The following TMCO4 variants were observed in gnomAD, a reference collection of about 807,000 sequenced individuals.
TMCO4 encodes transmembrane and coiled-coil domains 4, also known as transmembrane and coiled-coil domain-containing protein 4.
TMCO4 carries 58 observed loss-of-function variants against 64.7 expected under a neutral mutation model. That is an observed-to-expected ratio of 0.90 (90% CI 0.73 to 1.12). The LOEUF (loss-of-function observed/expected upper bound fraction) is 1.12, where lower values mean the gene tolerates loss of function less well. Ranked by LOEUF, TMCO4 falls within the 50% of genes most tolerant of loss-of-function variation. TMCO4 has a pLI of 0.00. For missense variants in TMCO4, 780 were observed against 825.9 expected (o/e 0.94, Z 0.68); for synonymous variants, 325 against 346.1 (o/e 0.94, Z 0.68).
chr1:19,712,487 G>C (rs1411668706), intron 13 of TMCO4, among the ~76,000 whole-genome samples: 1 of 152,016 alleles, frequency 6.6e-6, no homozygotes. Context: ...AGGCGTGGTG[G>C]CAGGTGCCTG....
At chr1:19,768,093 CAAAA>C (rs35417457) in intron 6 of TMCO4, among the ~76,000 whole-genome samples, 2 of 89,596 alleles carry the variant, frequency 2.2e-5, no homozygotes, top group Non-Finnish European at 2.4e-5. Context: ...AACTTCATCT[CAAAA>C]AAAAAAAAAA....
At chr1:19,693,164 CAAAAAAAAAAAAAAAAA>C (rs57031243) in intron 15 of TMCO4, among the ~76,000 whole-genome samples, 429 of 19,980 alleles carry the variant, frequency 0.021, 18 homozygotes, top group African/African-American at 0.051. Flanking sequence ...GACCCCATCT[CAAAAAAAAAAAAAAAAA>C]AAAAAAAAAA....
At chr1:19,745,919 C>T (rs1401793585) in intron 9 of TMCO4, among the ~76,000 whole-genome samples, 1 of 152,204 alleles carries the variant, frequency 6.6e-6, no homozygotes, top group Non-Finnish European at 1.5e-5. Context: ...ACCCATTGCT[C>T]TGCCCTGGTT....
chr1:19,683,393 CGGCCTTCAGGAT>C lies in TMCO4; in HGVS notation c.1540_1551del (p.Ile514_Ala517del). The C allele has an allele frequency of 6.2e-7, 1 of 1,613,696 alleles. No homozygotes were observed. Among genetic ancestry groups the C allele is most frequent in the Admixed American group, 1.7e-5 (1 of 60,032 alleles). ...CAGCCTGGCTTGGTGCGGATGCCCA[CGGCCTTCAGGAT>C]GGCATCCATCTGCTTGGCATAGTCC... On this transcript the variant is annotated inframe_deletion, in exon 16 of 16. Transcript: ENST00000294543.
intron 2 of TMCO4, among the ~76,000 whole-genome samples, chr1:19,787,334 A>C (rs1157358382): frequency 6.6e-6 from 1 of 152,218 alleles, no homozygotes; most frequent in African/African-American, 2.4e-5. Context: ...AGCACTCACC[A>C]TGTGCTGGGC....
At chr1:19,714,353 G>A (rs572723229) in intron 13 of TMCO4, among the ~76,000 whole-genome samples, 5 of 151,906 alleles carry the variant, frequency 3.3e-5, no homozygotes, top group East Asian at 3.9e-4. Flanking sequence ...TCAGATCTCC[G>A]TATTCTTTTT....
intron 15 of TMCO4, among the ~76,000 whole-genome samples, chr1:19,685,127 C>T (rs1250452850): frequency 1.3e-5 from 2 of 152,166 alleles, no homozygotes; most frequent in Non-Finnish European, 2.9e-5. Context: ...GAGTTTGAGA[C>T]CAGCCTGGGC....
At chr1:19,779,386 T>C (rs1455257452) in intron 4 of TMCO4, among the ~76,000 whole-genome samples, 1 of 152,196 alleles carries the variant, frequency 6.6e-6, no homozygotes, top group Non-Finnish European at 1.5e-5. Context: ...TCGGTCATTG[T>C]CCTCATTCCC....
At chr1:19,790,870 G>A (rs1452297058) in intron 2 of TMCO4, among the ~76,000 whole-genome samples, 1 of 152,196 alleles carries the variant, frequency 6.6e-6, no homozygotes, top group East Asian at 1.9e-4. Context: ...TATGTTCACT[G>A]CAGCACTATT....
intron 3 of TMCO4, among the ~76,000 whole-genome samples, chr1:19,781,773 C>T (rs940394958): frequency 1.3e-5 from 2 of 152,040 alleles, no homozygotes; most frequent in African/African-American, 2.4e-5. Flanking sequence ...CAGCCTCCCG[C>T]GTAGCTGGGA....
intron 13 of TMCO4, among the ~76,000 whole-genome samples, chr1:19,722,191 C>T (rs949903395): frequency 6.6e-6 from 1 of 152,194 alleles, no homozygotes; most frequent in African/African-American, 2.4e-5. Flanking sequence ...CGATTTCAAA[C>T]GTCTTTTGGA....
chr1:19,691,786 GAA>G (rs2095196840), intron 15 of TMCO4, among the ~76,000 whole-genome samples: 1 of 152,214 alleles, frequency 6.6e-6, no homozygotes, highest in Non-Finnish European at 1.5e-5. Context: ...ATCTCATCTT[GAA>G]TTGTACTCTC....
At chr1:19,733,191 T>G (rs1570801862) in intron 13 of TMCO4, among the ~76,000 whole-genome samples, 1 of 152,008 alleles carries the variant, frequency 6.6e-6, no homozygotes, top group African/African-American at 2.4e-5. Flanking sequence ...TGCTTGAACC[T>G]GGGAGGCAGA....
chr1:19,703,065 T>C (rs904220324), intron 13 of TMCO4, among the ~76,000 whole-genome samples: 1 of 152,228 alleles, frequency 6.6e-6, no homozygotes, highest in Non-Finnish European at 1.5e-5. Flanking sequence ...AGTGCCTTAT[T>C]CACAGCAGTG....
At chr1:19,771,226 A>G in intron 5 of TMCO4, 82 bp downstream of exon 5, 1 of 1,489,544 alleles carries the variant, frequency 6.7e-7, no homozygotes, top group East Asian at 2.3e-5. Flanking sequence ...CCACCCCACT[A>G]GAAGTGATTT....
At chr1:19,690,970 G>A (rs922413407) in intron 15 of TMCO4, among the ~76,000 whole-genome samples, 1 of 148,310 alleles carries the variant, frequency 6.7e-6, no homozygotes, top group African/African-American at 2.5e-5. Context: ...CTGGGGTCAT[G>A]CCATTCTCCT....
At position 19,780,653 on chromosome 1, in the gene TMCO4, C is replaced by T; in HGVS notation, c.106G>A (p.Glu36Lys). Residue 36 changes from glutamate to lysine, a missense_variant, in exon 4 of 16, where the codon GAG becomes AAG. Physicochemically the swap from Glu to Lys is moderately conservative, Grantham distance 56. Transcript: ENST00000294543. ...GCAGCATAGGCGAAGCGGTTGGCCTCAGTCAGCTCCCGGCCCGTGGGCAGG... is the reference window on the plus strand; with the variant it reads ...GCAGCATAGGCGAAGCGGTTGGCCTTAGTCAGCTCCCGGCCCGTGGGCAGG... ...PHLPTGRELTEANRFAYAALC... is the reference protein window; with the variant it reads ...PHLPTGRELTKANRFAYAALC... 1.2e-6 allele frequency: 2 copies of T among 1,613,992 alleles called. No individual in the cohort carries two copies. The highest frequency in any genetic ancestry group is 1.7e-4 in the Middle Eastern group (1 of 6,060).
chr1:19,796,707 T>C (rs2044324844), intron 2 of TMCO4, among the ~76,000 whole-genome samples: 1 of 152,138 alleles, frequency 6.6e-6, no homozygotes, highest in Admixed American at 6.6e-5. Context: ...CCTGAGTAGC[T>C]GGGACTACAG....
chr1:19,747,490 T>C (rs1457575736), intron 7 of TMCO4, among the ~76,000 whole-genome samples: 3 of 152,098 alleles, frequency 2.0e-5, no homozygotes, highest in Admixed American at 2.0e-4. Flanking sequence ...AATGGATCCA[T>C]CCTAACAGGG....
Sources: allele counts gnomAD v4.1 joint callset (sites outside exome capture counted in the v4.1 genomes callset), GRCh38; gene constraint gnomAD v4.1.1; transcripts MANE v1.5; gene names NCBI Gene and HGNC (gene_info 2026-07-23, HGNC 2026-07-21).